CMYA5: variants seen among roughly 807,000 people sequenced by gnomAD.
CMYA5 encodes cardiomyopathy-associated protein 5.
In CMYA5, 246 loss-of-function variants were observed where a neutral mutation model predicts 318.9. The ratio of observed to expected loss-of-function variants is 0.77; its 90% confidence interval spans 0.70 to 0.86. The LOEUF (loss-of-function observed/expected upper bound fraction) is 0.86. Ranked by LOEUF, CMYA5 falls within the 40% of genes least tolerant of loss-of-function variation. The probability of loss-of-function intolerance (pLI) is 0.00; values close to 1 mark genes in which losing one functional copy is unlikely to be tolerated. For synonymous variants in CMYA5, 1,641 were observed against 1,729.5 expected, an observed-to-expected ratio of 0.95 and a Z score of 1.27; for missense variants, 4,589 against 4,678.2, an observed-to-expected ratio of 0.98 and a Z score of 0.56.
rs1430085998 is a variant in CMYA5, at chr5:79,735,019, A to C, written c.6254A>C (p.Asn2085Thr). 3.1e-6 allele frequency: 5 copies of C among 1,613,634 alleles called. No homozygotes were observed. The highest frequency in any genetic ancestry group is 4.2e-6 in the Non-Finnish European group (5 of 1,179,792). ...GAAGGTGTGGAACCTGCATTGGGCA[A>C]TGAAAAAGAAGCACACAGGAGCACA... ...PAEGVEPALG[N>T]EKEAHRSTPP... The change falls in exon 2 of 13, where the codon AAT (asparagine) becomes ACT (threonine). Residue 2085 changes from asparagine (N) to threonine (T), a missense_variant. Asn to Thr is a moderately conservative substitution (Grantham distance 65, BLOSUM62 0). This residue lies in a region of CMYA5 where 2,431 missense variants were observed against 2,495.1 expected (regional missense o/e 0.97). Coordinates refer to ENST00000446378, the MANE Select transcript of CMYA5 (RefSeq NM_153610.5).
chr5:79,735,914 G>A lies in CMYA5; in HGVS notation c.7149G>A (p.Lys2383=), dbSNP rs1561211471. 1 of 1,604,676 alleles carries A rather than the reference G, an allele frequency of 6.2e-7. No homozygotes were observed. Among genetic ancestry groups the A allele is most frequent in the Non-Finnish European group, 8.5e-7 (1 of 1,177,450 alleles). Residue 2383 remains lysine, a synonymous_variant, in exon 2 of 13, where the codon AAG becomes AAA. Transcript: ENST00000446378. ...KSLLSFDVVD[K]VPQQPKSASS... ...TCCTTTCATTTGATGTAGTAGATAA[G>A]GTGCCACAACAGCCAAAATCAGCTT... is the stretch of plus-strand genomic sequence containing the variant.
rs1225158570 is a variant in CMYA5, at chr5:79,787,977, C to G, written c.11556-994C>G. ...GATGAACAGTGACCACTCTTGGATT[C>G]TGATGCTTTTGTGGTATATTCATCA... On this transcript the variant is annotated intron_variant, in intron 9 of 12. Transcript: ENST00000446378. Among the ~76,000 whole-genome samples the G allele has an allele frequency of 2.6e-5, 4 of 151,944 alleles. No individual in the cohort carries two copies. In the East Asian group the frequency reaches 7.7e-4, roughly 29 times the overall value.
chr5:79,789,207 A>C, intron 10 of CMYA5, 103 bp downstream of exon 10: 1 of 1,305,422 alleles, frequency 7.7e-7, no homozygotes, highest in Non-Finnish European at 1.0e-6. Context: ...CTCCCAACCT[A>C]CTGTCAGTGG....
At chr5:79,776,622 G>C (rs1013846733) in intron 9 of CMYA5, among the ~76,000 whole-genome samples, 1 of 152,082 alleles carries the variant, frequency 6.6e-6, no homozygotes, top group Admixed American at 6.6e-5. Context: ...CGATTCAGAA[G>C]ATCTAATATG....
chr5:79,711,992 G>A (rs573796921), intron 1 of CMYA5, among the ~76,000 whole-genome samples: 11 of 152,182 alleles, frequency 7.2e-5, no homozygotes, highest in African/African-American at 2.6e-4. Flanking sequence ...GCTTCTCTCC[G>A]TAGCTGGAGA....
chr5:79,796,145 G>A lies in CMYA5; in HGVS notation c.11963+2535G>A, dbSNP rs369013765. On this transcript the variant is annotated intron_variant, in intron 12 of 12. Coordinates refer to ENST00000446378, the MANE Select transcript of CMYA5 (RefSeq NM_153610.5). The stretch of plus-strand genomic sequence containing the variant: ...ACCAACGCTGGGCCTGTAGGGACCG[G>A]GGACCTTCCAAACAGGGGAGGAGAA... Among the ~76,000 whole-genome samples, 3 of 152,214 alleles carry A rather than the reference G, an allele frequency of 2.0e-5. No individual in the cohort carries two copies. The East Asian group carries it at 5.8e-4, about 30-fold the overall frequency.
At chr5:79,771,049 C>A (rs1458008992) in intron 9 of CMYA5, among the ~76,000 whole-genome samples, 1 of 147,332 alleles carries the variant, frequency 6.8e-6, no homozygotes, top group African/African-American at 2.5e-5. Flanking sequence ...TGAACTCTGG[C>A]CAAAACAGAG....
At chr5:79,791,339 C>T (rs1829175124) in intron 11 of CMYA5, among the ~76,000 whole-genome samples, 1 of 152,072 alleles carries the variant, frequency 6.6e-6, no homozygotes, top group African/African-American at 2.4e-5. Flanking sequence ...AAGGTATGAT[C>T]TCTGGTTCAG....
At chr5:79,770,728 A>G (rs1828840930) in intron 9 of CMYA5, among the ~76,000 whole-genome samples, 1 of 152,182 alleles carries the variant, frequency 6.6e-6, no homozygotes, top group Non-Finnish European at 1.5e-5. Context: ...CCATCTTGCC[A>G]GCCACCTCTA....
At position 79,730,468 on chromosome 5, in the gene CMYA5, C is replaced by G; in HGVS notation, c.1703C>G (p.Ala568Gly). The G allele has an allele frequency of 6.2e-7, 1 of 1,613,860 alleles. No homozygotes were observed. The highest frequency in any genetic ancestry group is 8.5e-7 in the Non-Finnish European group (1 of 1,179,862). ...KEEELILPLL[A>G]ASSPEHVALS... ...GAAGAGCTTATTCTACCATTATTGG[C>G]AGCATCATCTCCTGAACATGTTGCT... Residue 568 changes from alanine (A) to glycine (G), a missense_variant, in exon 2 of 13, where the codon GCA becomes GGA. Around this residue, in one of 3 missense-constraint regions of CMYA5, gnomAD observed 2,132 missense variants for 2,131.3 expected, o/e 1.00. Coordinates refer to ENST00000446378, the MANE Select transcript of CMYA5 (RefSeq NM_153610.5).
At chr5:79,696,876 A>G (rs570919295) in intron 1 of CMYA5, among the ~76,000 whole-genome samples, 95 of 152,190 alleles carry the variant, frequency 6.2e-4, no homozygotes, top group Non-Finnish European at 1.1e-3. Context: ...GCATGGTGGC[A>G]GGTGCCTGTA....
At chr5:79,726,909 A>ATGTTTTTTTTTTTT (rs1827758607) in intron 1 of CMYA5, among the ~76,000 whole-genome samples, 1 of 96,040 alleles carries the variant, frequency 1.0e-5, no homozygotes, top group East Asian at 4.0e-4. Context: ...TAGGCCAGTG[A>ATGTTTTTTTTTTTT]TTTTTTTTTT....
In CMYA5 at chr5:79,799,869, T is replaced by TACCG; in HGVS notation, c.*253_*254insACCG. On this transcript the variant is annotated 3_prime_UTR_variant, in exon 13 of 13. Transcript: ENST00000446378. ...ATATAAGTTTGAGTTCTTTCCTAAA[T>TACCG]TAAAAGATCTACACTTGAGTTGGGA... 6.5e-6 allele frequency: 1 copy of TACCG among 153,008 alleles called. No individual in the cohort carries two copies. Among genetic ancestry groups the TACCG allele is most frequent in the East Asian group, 1.5e-4 (1 of 6,534 alleles). The allele number at this position is 153,008 out of a possible 1,614,324, so 9.5% of individuals were successfully genotyped here.
At chr5:79,700,461 C>T (rs574227913) in intron 1 of CMYA5, among the ~76,000 whole-genome samples, 2 of 152,232 alleles carry the variant, frequency 1.3e-5, no homozygotes, top group Non-Finnish European at 2.9e-5. Flanking sequence ...AGGAACAGCC[C>T]CTCAAACCAT....
Position 79,761,854 on chromosome 5 carries a change from C to A in CMYA5, c.11304C>A (p.Cys3768Ter), listed in dbSNP as rs767595577. 6.2e-7 allele frequency: 1 copy of A among 1,613,432 alleles called. No individual in the cohort carries two copies. The highest frequency in any genetic ancestry group is 1.3e-5 in the African/African-American group (1 of 74,902). The stretch of plus-strand genomic sequence containing the variant: ...GACTGACAGTGAAAGAAAGCTACTG[C>A]ATTTTTGAAGATCTGGAACCTGACC... Reference protein sequence around the residue: ...EYRLTVKESYCIFEDLEPDRC... With the variant: ...EYRLTVKESY Residue 3768 changes from cysteine to a stop codon, truncating the protein, a stop_gained, in exon 8 of 13, where the codon TGC becomes TGA. Transcript: ENST00000446378. LOFTEE classifies it high-confidence loss of function.
rs552224000 is a variant in CMYA5 at position 79,739,068 on chromosome 5, G to C, written c.10303G>C (p.Asp3435His). ...CCTGCATAATGAAGTGGTTCCTCAA[G>C]ACATATTATCAGAAGAACTGTCTTC... ...ESLHNEVVPQ[D>H]ILSEELSSES... Residue 3435 changes from aspartate (D) to histidine (H), a missense_variant, in exon 2 of 13, where the codon GAC becomes CAC. Physicochemically the swap from Asp to His is moderately conservative, Grantham distance 81. Around this residue, in one of 3 missense-constraint regions of CMYA5, gnomAD observed 2,431 missense variants for 2,495.1 expected, o/e 0.97. Transcript: ENST00000446378. 4.3e-6 allele frequency: 7 copies of C among 1,613,874 alleles called. 1 individual carries two copies. The South Asian group carries it at 6.6e-5, about 15-fold the overall frequency.
chr5:79,793,814 A>G (rs751562593), intron 12 of CMYA5, among the ~76,000 whole-genome samples: 1 of 152,186 alleles, frequency 6.6e-6, no homozygotes, highest in Non-Finnish European at 1.5e-5. Flanking sequence ...TGTGAATCAT[A>G]CCTGAAGAGG....
intron 6 of CMYA5, among the ~76,000 whole-genome samples, chr5:79,756,876 AC>A (rs888203277): frequency 3.3e-5 from 5 of 152,178 alleles, no homozygotes; most frequent in Admixed American, 1.3e-4. Context: ...TGGAAAAAAA[AC>A]CCATAAAAAA....
intron 7 of CMYA5, among the ~76,000 whole-genome samples, chr5:79,760,694 T>G (rs935253593): frequency 1.7e-4 from 26 of 152,176 alleles, no homozygotes; most frequent in African/African-American, 5.8e-4. Flanking sequence ...CCCACCAGGC[T>G]CTTCCTCCAA....
Sources: allele counts gnomAD v4.1 joint callset (sites outside exome capture counted in the v4.1 genomes callset), GRCh38; gene constraint gnomAD v4.1.1; regional missense constraint gnomAD v4.1.1; transcripts MANE v1.5; gene names NCBI Gene and HGNC (gene_info 2026-07-23, HGNC 2026-07-21).